PTPRT: variants seen among roughly 807,000 people sequenced by gnomAD.
The protein encoded by PTPRT is protein tyrosine phosphatase receptor type T.
In PTPRT, 56 loss-of-function variants were observed where a neutral mutation model predicts 176.8. That is an observed-to-expected ratio of 0.32 (90% CI 0.26 to 0.40). The LOEUF (loss-of-function observed/expected upper bound fraction) is 0.40, where lower values mean the gene tolerates loss of function less well. Among genes scored for constraint, PTPRT ranks in the 10% least tolerant of loss-of-function variants. The pLI is 1.00. For missense variants in PTPRT, 1,540 were observed against 1,908.2 expected (o/e 0.81, Z 3.60); for synonymous variants, 783 against 739.0 (o/e 1.06, Z -0.96).
At chr20:42,394,025 A>G (rs2058825551) in intron 9 of PTPRT, among the ~76,000 whole-genome samples, 1 of 151,334 alleles carries the variant, frequency 6.6e-6, no homozygotes, top group South Asian at 2.1e-4. Flanking sequence ...CACAAAGTCT[A>G]TGAAGATGTG....
chr20:42,698,695 G>A (rs555001013), intron 6 of PTPRT, among the ~76,000 whole-genome samples: 2 of 152,224 alleles, frequency 1.3e-5, no homozygotes, highest in African/African-American at 4.8e-5. Flanking sequence ...GAGAAACATT[G>A]GGAGGCATCA....
intron 5 of PTPRT, among the ~76,000 whole-genome samples, chr20:42,770,001 C>A (rs1441856196): frequency 1.3e-5 from 2 of 152,158 alleles, no homozygotes; most frequent in Non-Finnish European, 1.5e-5. Context: ...GGGGACGGAA[C>A]TTTGGACGCC....
the PTPRT span, among the ~76,000 whole-genome samples, chr20:42,034,297 G>A: frequency 6.6e-6 from 1 of 152,180 alleles, no homozygotes; most frequent in Admixed American, 6.5e-5. Context: ...GCTGGATGTT[G>A]AGGAGATGCC....
chr20:43,100,102 A>G (rs947967999), intron 1 of PTPRT, among the ~76,000 whole-genome samples: 1 of 152,224 alleles, frequency 6.6e-6, no homozygotes, highest in Non-Finnish European at 1.5e-5. Flanking sequence ...TGTGTCGGGC[A>G]CAGTGGCTCA....
intron 1 of PTPRT, among the ~76,000 whole-genome samples, chr20:42,914,696 AC>A (rs1978619385): frequency 6.6e-6 from 1 of 152,196 alleles, no homozygotes; most frequent in South Asian, 2.1e-4. Context: ...GAAGGATTTG[AC>A]AACAAAGGAA....
chr20:42,339,095 G>A lies in PTPRT; in HGVS notation c.1865+11533C>T, dbSNP rs1228330058. Among the ~76,000 whole-genome samples the A allele has an allele frequency of 2.6e-5, 4 of 152,272 alleles. No individual in the cohort carries two copies. The East Asian group carries it at 5.8e-4, about 22-fold the overall frequency. On this transcript the variant is annotated intron_variant, in intron 11 of 30. Coordinates refer to ENST00000373187, the MANE Select transcript of PTPRT (RefSeq NM_007050.6). ...ATATGGAACTTTTTATAGAGTGAAAGTTGGAAGTGGATTTGTTTCTCCCAG... is the reference window on the plus strand; with the variant it reads ...ATATGGAACTTTTTATAGAGTGAAAATTGGAAGTGGATTTGTTTCTCCCAG...
At chr20:42,910,940 G>A (rs1039591608) in intron 1 of PTPRT, among the ~76,000 whole-genome samples, 1 of 152,148 alleles carries the variant, frequency 6.6e-6, no homozygotes, top group Non-Finnish European at 1.5e-5. Context: ...TCTTCACAAG[G>A]CAGCAGGAAG....
intron 15 of PTPRT, among the ~76,000 whole-genome samples, chr20:42,204,141 T>C (rs2055391828): frequency 6.6e-6 from 1 of 152,196 alleles, no homozygotes; most frequent in Non-Finnish European, 1.5e-5. Flanking sequence ...TGCATAAAAT[T>C]AGCTGGTGAC....
chr20:42,788,610 A>T (rs1372924164), intron 3 of PTPRT, among the ~76,000 whole-genome samples: 1 of 152,196 alleles, frequency 6.6e-6, no homozygotes, highest in Non-Finnish European at 1.5e-5. Flanking sequence ...GCTGTTCGAC[A>T]GTCATTGCCA....
At chr20:42,088,261 T>C (rs1984219584) in intron 27 of PTPRT, among the ~76,000 whole-genome samples, 1 of 152,090 alleles carries the variant, frequency 6.6e-6, no homozygotes, top group Non-Finnish European at 1.5e-5. Flanking sequence ...AGTTTGGGAT[T>C]GAGTCTCTCC....
chr20:42,608,452 G>A (rs563974116), intron 7 of PTPRT, among the ~76,000 whole-genome samples: 1 of 152,276 alleles, frequency 6.6e-6, no homozygotes, highest in East Asian at 1.9e-4. Context: ...TTTGATTTGG[G>A]GCAGGGCAGG....
chr20:42,348,451 A>G (rs772438080), intron 11 of PTPRT, among the ~76,000 whole-genome samples: 46 of 151,828 alleles, frequency 3.0e-4, no homozygotes, highest in Admixed American at 9.8e-4. Context: ...CCTTTCTCCT[A>G]GGAGGTGGTA....
chr20:42,689,827 T>C (rs2075763699), intron 6 of PTPRT, among the ~76,000 whole-genome samples: 1 of 152,020 alleles, frequency 6.6e-6, no homozygotes, highest in African/African-American at 2.4e-5. Context: ...ACGTCTAGAA[T>C]CTACAAAAGG....
chr20:42,949,201 C>A (rs1346981049), intron 1 of PTPRT, among the ~76,000 whole-genome samples: 5 of 152,214 alleles, frequency 3.3e-5, no homozygotes, highest in African/African-American at 9.6e-5. Context: ...AAGGGCTGAG[C>A]TAGGGCCTAT....
At chr20:42,215,236 T>A (rs949773375) in intron 15 of PTPRT, among the ~76,000 whole-genome samples, 1 of 152,162 alleles carries the variant, frequency 6.6e-6, no homozygotes, top group African/African-American at 2.4e-5. Context: ...GTTGCAGAAA[T>A]ACCATGGGCT....
At chr20:42,736,019 A>C (rs1224159414) in intron 6 of PTPRT, among the ~76,000 whole-genome samples, 1 of 152,136 alleles carries the variant, frequency 6.6e-6, no homozygotes, top group African/African-American at 2.4e-5. Context: ...ACATCAAAGA[A>C]CTATTTGATT....
chr20:42,604,705 C>T (rs2073842129), intron 7 of PTPRT, among the ~76,000 whole-genome samples: 1 of 152,186 alleles, frequency 6.6e-6, no homozygotes, highest in Non-Finnish European at 1.5e-5. Flanking sequence ...AATCAATAAG[C>T]CTTCCTAAGG....
chr20:42,952,113 C>T (rs1379719783), intron 1 of PTPRT, among the ~76,000 whole-genome samples: 1 of 152,158 alleles, frequency 6.6e-6, no homozygotes, highest in Non-Finnish European at 1.5e-5. Context: ...GATCATGTGG[C>T]CACGCAGTGT....
chr20:42,285,678 C>T (rs1178626942), intron 12 of PTPRT, among the ~76,000 whole-genome samples: 10 of 151,710 alleles, frequency 6.6e-5, no homozygotes, highest in Admixed American at 1.3e-4. Context: ...CACTGCAAGT[C>T]CTAGCCAGAG....
Sources: allele counts gnomAD v4.1 joint callset (sites outside exome capture counted in the v4.1 genomes callset), GRCh38; gene constraint gnomAD v4.1.1; transcripts MANE v1.5; gene names NCBI Gene and HGNC (gene_info 2026-07-23, HGNC 2026-07-21).